The following NEK11 variants were observed in gnomAD, a reference collection of about 807,000 sequenced individuals.
The protein encoded by NEK11 is NIMA related kinase 11.
Under a neutral mutation model 80.7 loss-of-function variants are expected in NEK11, and 72 were observed. The observed-to-expected ratio is 0.89, with a 90% confidence interval of 0.74 to 1.08. The LOEUF (loss-of-function observed/expected upper bound fraction) is 1.08. NEK11 is among the 50% of genes least tolerant of loss of function. The pLI is 0.00. For missense variants in NEK11, 764 were observed against 763.6 expected (o/e 1.00, Z -0.01); for synonymous variants, 251 against 260.7 (o/e 0.96, Z 0.36).
chr3:131,187,845 A>G (rs1224453900), intron 14 of NEK11, among the ~76,000 whole-genome samples: 1 of 152,226 alleles, frequency 6.6e-6, no homozygotes, highest in Non-Finnish European at 1.5e-5. Flanking sequence ...TTACCTAATA[A>G]TAATTCCTTC....
chr3:131,029,703 G>T lies in NEK11; in HGVS notation c.-6G>T, dbSNP rs750443182. ...TGAATGAACCAGTTCTCTCTTGTTT[G>T]GAGCAATGCTGAAATTCCAAGAGGC... On this transcript the variant is annotated 5_prime_UTR_variant, in exon 3 of 18. Transcript: ENST00000383366. 1 of 1,613,334 alleles carries T rather than the reference G, an allele frequency of 6.2e-7. No individual in the cohort carries two copies. Among genetic ancestry groups the T allele is most frequent in the South Asian group, 1.1e-5 (1 of 91,022 alleles).
intron 16 of NEK11, among the ~76,000 whole-genome samples, chr3:131,272,745 G>A (rs1287398453): frequency 1.3e-5 from 2 of 151,876 alleles, no homozygotes; most frequent in African/African-American, 2.4e-5. Flanking sequence ...CAAAATGCCG[G>A]GATTACAGGC....
intron 3 of NEK11, among the ~76,000 whole-genome samples, chr3:131,065,140 AAAGAG>A (rs2071671884): frequency 6.6e-6 from 1 of 152,234 alleles, no homozygotes; most frequent in Non-Finnish European, 1.5e-5. Flanking sequence ...CAATGAGTAG[AAAGAG>A]CTTTGGTCTT....
intron 14 of NEK11, among the ~76,000 whole-genome samples, chr3:131,191,966 T>C (rs2093813824): frequency 6.6e-6 from 1 of 152,162 alleles, no homozygotes; most frequent in South Asian, 2.1e-4. Context: ...GAGAAATTTT[T>C]ATGTATCAAA....
intron 3 of NEK11, among the ~76,000 whole-genome samples, chr3:131,056,941 G>T (rs913610601): frequency 6.6e-6 from 1 of 151,718 alleles, no homozygotes; most frequent in Admixed American, 6.5e-5. Context: ...CAATGTGCAG[G>T]TTAGTTACAT....
chr3:131,283,031 C>T (rs377221257), intron 17 of NEK11, among the ~76,000 whole-genome samples: 1 of 152,104 alleles, frequency 6.6e-6, no homozygotes, highest in African/African-American at 2.4e-5. Context: ...CTGTGAGGTG[C>T]GGAGGATTCT....
chr3:131,178,505 G>A (rs2093166051), intron 14 of NEK11, among the ~76,000 whole-genome samples: 1 of 151,640 alleles, frequency 6.6e-6, no homozygotes, highest in East Asian at 1.9e-4. Context: ...TGAATTCTTT[G>A]TTAAAAACGA....
chr3:131,223,931 A>C (rs1467931712), intron 14 of NEK11, among the ~76,000 whole-genome samples: 1 of 152,216 alleles, frequency 6.6e-6, no homozygotes, highest in Non-Finnish European at 1.5e-5. Flanking sequence ...AAATAAATAA[A>C]TATTTTAAAC....
At chr3:131,308,922 A>C (rs1348139210) in intron 17 of NEK11, among the ~76,000 whole-genome samples, 1 of 152,174 alleles carries the variant, frequency 6.6e-6, no homozygotes, top group African/African-American at 2.4e-5. Context: ...AGAATCTCAT[A>C]AGGAGCACGC....
In NEK11 at chr3:131,228,591, A is replaced by T. The variant is rs3738000; in HGVS notation, c.1463A>T (p.Glu488Val). The change falls in exon 15 of 18, where the codon GAA (glutamate) becomes GTA (valine). Residue 488 changes from glutamate (E) to valine (V), a missense_variant. Coordinates refer to ENST00000383366, the MANE Select transcript of NEK11 (RefSeq NM_024800.5). ...GCTGATGCATTTGATTCCTATTGTG[A>T]AGAGAGTGATGAGGAGGAAGAAGAA... is the stretch of plus-strand genomic sequence containing the variant. ...YYADAFDSYCEESDEEEEEIA... is the reference protein window; with the variant it reads ...YYADAFDSYCVESDEEEEEIA... 0.67 allele frequency: 1,086,562 copies of T among 1,612,750 alleles called. 376,224 individuals carry two copies. Among genetic ancestry groups the T allele is most frequent in the South Asian group, 0.74 (67,531 of 90,982 alleles).
intron 14 of NEK11, among the ~76,000 whole-genome samples, chr3:131,209,899 C>T (rs974722223): frequency 3.9e-5 from 6 of 152,020 alleles, no homozygotes; most frequent in African/African-American, 4.8e-5. Context: ...GTCTTGCTAG[C>T]ATCTATCTAT....
chr3:131,133,780 T>G, intron 6 of NEK11, 50 bp from the exon 7 acceptor site: 4 of 1,524,524 alleles, frequency 2.6e-6, no homozygotes, highest in Non-Finnish European at 3.6e-6. Flanking sequence ...TTTCCAGGGC[T>G]AATTTTTCGT....
intron 17 of NEK11, among the ~76,000 whole-genome samples, chr3:131,332,185 AC>A (rs1561580655): frequency 6.6e-6 from 1 of 152,154 alleles, no homozygotes; most frequent in Non-Finnish European, 1.5e-5. Context: ...CAGACCCCTG[AC>A]CCCTGAGCAA....
chr3:131,321,808 A>G (rs780947806), intron 17 of NEK11, among the ~76,000 whole-genome samples: 1 of 152,232 alleles, frequency 6.6e-6, no homozygotes, highest in Non-Finnish European at 1.5e-5. Flanking sequence ...CACATCAGTC[A>G]GAATGGCTAT....
At chr3:131,037,631 A>G (rs954895357) in intron 3 of NEK11, among the ~76,000 whole-genome samples, 7 of 152,226 alleles carry the variant, frequency 4.6e-5, no homozygotes, top group Non-Finnish European at 8.8e-5. Flanking sequence ...TATTAAAAAT[A>G]CACTTTCAAT....
At chr3:131,070,788 A>G (rs2073138947) in intron 3 of NEK11, among the ~76,000 whole-genome samples, 1 of 152,224 alleles carries the variant, frequency 6.6e-6, no homozygotes, top group African/African-American at 2.4e-5. Context: ...ATCTGGAGAC[A>G]AAAGTCTATT....
At chr3:131,197,415 T>G (rs2094062108) in intron 14 of NEK11, among the ~76,000 whole-genome samples, 1 of 152,146 alleles carries the variant, frequency 6.6e-6, no homozygotes, top group Non-Finnish European at 1.5e-5. Context: ...GGGCTCCATT[T>G]GAAGAACAAT....
At position 131,260,623 on chromosome 3, in the gene NEK11, A is replaced by G. The variant is rs115207484; in HGVS notation, c.1622-12855A>G. ...ATGGTCTATAAAGTCTAGAATATTTACTACCCGCCCCTTTACAGATAAAGG... is the reference window on the plus strand; with the variant it reads ...ATGGTCTATAAAGTCTAGAATATTTGCTACCCGCCCCTTTACAGATAAAGG... On this transcript the variant is annotated intron_variant, in intron 16 of 17. Transcript: ENST00000383366. 9.6e-3 allele frequency among the ~76,000 whole-genome samples: 1,467 copies of G among 152,268 alleles called. 15 individuals carry two copies. The highest frequency in any genetic ancestry group is 0.032 in the African/African-American group (1,312 of 41,556).
At chr3:131,070,851 T>C (rs936112114) in intron 3 of NEK11, among the ~76,000 whole-genome samples, 1 of 152,190 alleles carries the variant, frequency 6.6e-6, no homozygotes, top group African/African-American at 2.4e-5. Context: ...GTGGCTCCAT[T>C]GTAACTTGCT....
Sources: allele counts gnomAD v4.1 joint callset (sites outside exome capture counted in the v4.1 genomes callset), GRCh38; gene constraint gnomAD v4.1.1; transcripts MANE v1.5; gene names NCBI Gene and HGNC (gene_info 2026-07-23, HGNC 2026-07-21).